Variants in MEGF11 observed in about 807,000 individuals in gnomAD.
MEGF11 encodes the protein multiple epidermal growth factor-like domains protein 11.
MEGF11 carries 126 observed loss-of-function variants against 146.6 expected under a neutral mutation model. That is an observed-to-expected ratio of 0.86 (90% CI 0.74 to 1.00). The LOEUF is 1.00. Ranked by LOEUF, MEGF11 falls within the 50% of genes least tolerant of loss-of-function variation. The probability of loss-of-function intolerance (pLI) is 0.00; values close to 1 mark genes in which losing one functional copy is unlikely to be tolerated. For missense variants in MEGF11, 1,509 were observed against 1,521.2 expected (o/e 0.99, Z 0.13); for synonymous variants, 532 against 583.4 (o/e 0.91, Z 1.27).
chr15:65,976,663 A>G (rs549112851), intron 7 of MEGF11, among the ~76,000 whole-genome samples: 59 of 152,340 alleles, frequency 3.9e-4, no homozygotes, highest in Middle Eastern at 3.4e-3. Context: ...AGTCTGTGGC[A>G]CTTTGTTATG....
intron 5 of MEGF11, among the ~76,000 whole-genome samples, chr15:66,049,790 G>C (rs8035289): frequency 0.044 from 6,663 of 152,272 alleles, 282 homozygotes; most frequent in African/African-American, 0.1. Context: ...GCAGGTAAAA[G>C]GGTCCTTTTC....
At chr15:66,046,431 G>A (rs1054055078) in intron 5 of MEGF11, among the ~76,000 whole-genome samples, 6 of 152,200 alleles carry the variant, frequency 3.9e-5, no homozygotes, top group African/African-American at 9.7e-5. Context: ...GGCACCTCAC[G>A]GGACGTGGTG....
At chr15:66,046,512 G>A (rs1245213098) in intron 5 of MEGF11, among the ~76,000 whole-genome samples, 1 of 152,226 alleles carries the variant, frequency 6.6e-6, no homozygotes, top group Non-Finnish European at 1.5e-5. Context: ...AGACTTTGGG[G>A]ACAGGCACTG....
intron 22 of MEGF11, among the ~76,000 whole-genome samples, chr15:65,909,503 A>G (rs556423253): frequency 6.6e-5 from 10 of 152,046 alleles, no homozygotes; most frequent in Non-Finnish European, 1.3e-4. Context: ...TGGAATCCCT[A>G]CACCCTGGCC....
chr15:65,943,276 C>A (rs1262519141), intron 10 of MEGF11, among the ~76,000 whole-genome samples: 1 of 152,156 alleles, frequency 6.6e-6, no homozygotes, highest in Non-Finnish European at 1.5e-5. Context: ...CCACGTTCCA[C>A]CCAAACCTTG....
At chr15:65,917,920 T>G (rs1326220111) in intron 16 of MEGF11, 46 bp downstream of exon 16, 1 of 1,611,690 alleles carries the variant, frequency 6.2e-7, no homozygotes, top group East Asian at 2.2e-5. Context: ...GGAGAATTTT[T>G]GGGCCTGACC....
intron 3 of MEGF11, among the ~76,000 whole-genome samples, chr15:66,121,205 G>A (rs1214321450): frequency 6.6e-6 from 1 of 152,172 alleles, no homozygotes; most frequent in Admixed American, 6.5e-5. Context: ...ACCCAAAAGG[G>A]CCATACCCCT....
intron 1 of MEGF11, among the ~76,000 whole-genome samples, chr15:66,217,623 T>C (rs1378499763): frequency 2.0e-5 from 3 of 152,210 alleles, no homozygotes; most frequent in Non-Finnish European, 2.9e-5. Flanking sequence ...GGAAAGGGAA[T>C]TTTCATGGCC....
At chr15:66,238,212 C>A (rs2092136602) in intron 1 of MEGF11, among the ~76,000 whole-genome samples, 1 of 152,168 alleles carries the variant, frequency 6.6e-6, no homozygotes, top group African/African-American at 2.4e-5. Flanking sequence ...GGGTGGGAAA[C>A]CCCCTCCCCA....
rs1227754490 is a variant in MEGF11, at chr15:66,089,969, G to T, written c.394+4433C>A. Among the ~76,000 whole-genome samples the T allele has an allele frequency of 3.3e-5, 5 of 152,240 alleles. No homozygotes were observed. In the East Asian group the frequency reaches 7.7e-4, roughly 23 times the overall value. The stretch of plus-strand genomic sequence containing the variant: ...GGGATGGAGGTTTATGACCAGGCAT[G>T]CAGCCACTCCATTTCCCCATAGTGG... On this transcript the variant is annotated intron_variant, in intron 5 of 25. Coordinates refer to ENST00000395614, the MANE Select transcript of MEGF11 (RefSeq NM_001385028.1).
At position 65,916,069 on chromosome 15, in the gene MEGF11, A is replaced by G. The variant is rs2078986948; in HGVS notation, c.2344+79T>C. 4.8e-6 allele frequency: 7 copies of G among 1,466,672 alleles called. No individual in the cohort carries two copies. The South Asian group carries it at 9.6e-5, about 20-fold the overall frequency. 90.9% of individuals were successfully genotyped at this position (1,466,672 alleles called of 1,614,324 possible). ...GGGGTACAGAGCCCTGAGTGAGTGGACCTTGAAGTGGGAGCCATCCTCTGC... is the reference window on the plus strand; with the variant it reads ...GGGGTACAGAGCCCTGAGTGAGTGGGCCTTGAAGTGGGAGCCATCCTCTGC... On this transcript the variant is annotated intron_variant, in intron 18 of 25. Transcript: ENST00000395614.
chr15:65,959,294 A>C (rs1161709319), intron 9 of MEGF11, among the ~76,000 whole-genome samples: 7 of 152,224 alleles, frequency 4.6e-5, no homozygotes, highest in Non-Finnish European at 1.0e-4. Flanking sequence ...AATTGTGTGA[A>C]GCCTAGCCAA....
At chr15:66,101,360 G>A (rs1408352051) in intron 4 of MEGF11, among the ~76,000 whole-genome samples, 1 of 152,102 alleles carries the variant, frequency 6.6e-6, no homozygotes, top group African/African-American at 2.4e-5. Context: ...CAAACAGCCT[G>A]GAACTCCATC....
chr15:65,914,124 A>C (rs2078913160), intron 19 of MEGF11, 151 bp from the exon 20 acceptor site: 2 of 621,636 alleles, frequency 3.2e-6, no homozygotes, highest in East Asian at 5.5e-5. Context: ...GACTACCCCC[A>C]GCCCTCACTG....
intron 1 of MEGF11, among the ~76,000 whole-genome samples, chr15:66,155,275 G>T (rs1420498632): frequency 6.6e-6 from 1 of 152,310 alleles, no homozygotes; most frequent in South Asian, 2.1e-4. Flanking sequence ...CCCGCTATGG[G>T]GTAAGGGCTC....
chr15:65,988,433 C>A (rs140457663), intron 5 of MEGF11, among the ~76,000 whole-genome samples: 2 of 152,154 alleles, frequency 1.3e-5, no homozygotes, highest in Non-Finnish European at 2.9e-5. Context: ...ATGTTGTAGC[C>A]TGTATCAGGA....
chr15:66,194,500 C>G (rs761283294), intron 1 of MEGF11, among the ~76,000 whole-genome samples: 9 of 152,084 alleles, frequency 5.9e-5, no homozygotes, highest in Non-Finnish European at 1.3e-4. Context: ...CCCAGATAGT[C>G]AAGAGGCTGA....
chr15:65,960,599 A>C (rs927407793), intron 9 of MEGF11, among the ~76,000 whole-genome samples: 1 of 152,240 alleles, frequency 6.6e-6, no homozygotes, highest in Non-Finnish European at 1.5e-5. Context: ...GCTTGAACCT[A>C]GGAATGACCT....
At chr15:66,016,862 T>TA (rs1491406312) in intron 5 of MEGF11, among the ~76,000 whole-genome samples, 1 of 152,206 alleles carries the variant, frequency 6.6e-6, no homozygotes, top group Non-Finnish European at 1.5e-5. Context: ...AAGGGATGCC[T>TA]ATAGAGACAG....
Sources: allele counts gnomAD v4.1 joint callset (sites outside exome capture counted in the v4.1 genomes callset), GRCh38; gene constraint gnomAD v4.1.1; transcripts MANE v1.5; gene names NCBI Gene and HGNC (gene_info 2026-07-23, HGNC 2026-07-21).